Variants in MED13L observed in about 807,000 individuals in gnomAD.
The protein encoded by MED13L is mediator complex subunit 13L.
A neutral mutation model predicts 220.9 loss-of-function variants in MED13L; 7 were observed. That is an observed-to-expected ratio of 0.03 (90% confidence interval 0.02 to 0.06). MED13L has a LOEUF of 0.06. Among genes scored for constraint, MED13L ranks in the 10% least tolerant of loss-of-function variants. The pLI is 1.00. For missense variants in MED13L, 1,965 were observed against 2,760.5 expected (o/e 0.71, Z 6.46); for synonymous variants, 1,011 against 1,015.2 (o/e 1.00, Z 0.08).
intron 2 of MED13L, among the ~76,000 whole-genome samples, chr12:116,184,539 G>A (rs1260370048): frequency 1.3e-5 from 2 of 152,060 alleles, no homozygotes; most frequent in African/African-American, 4.8e-5. Context: ...CATAGCTTAA[G>A]AAAAAATTTT....
At chr12:115,965,116 C>T (rs1876053046) in intron 29 of MED13L, among the ~76,000 whole-genome samples, 3 of 152,146 alleles carry the variant, frequency 2.0e-5, no homozygotes, top group South Asian at 2.1e-4. Flanking sequence ...TAATTTCCAT[C>T]GTTTCTTTCT....
chr12:116,029,755 T>C (rs74349961), intron 4 of MED13L, among the ~76,000 whole-genome samples: 22,436 of 151,930 alleles, frequency 0.15, 1,854 homozygotes, highest in Middle Eastern at 0.21. Context: ...CAGAAAAAAT[T>C]TGAATAAGAA....
In MED13L at chr12:116,012,800, G is replaced by C; in HGVS notation, c.1277C>G (p.Ser426Cys). 2 of 1,609,980 alleles carry C rather than the reference G, an allele frequency of 1.2e-6. No homozygotes were observed. Among genetic ancestry groups the C allele is most frequent in the African/African-American group, 1.3e-5 (1 of 74,918 alleles). ...DPTQRVSCSC[S>C]RHKLLKRCAV... ...TTTTGCCTTTTTTATTACCTACCTG[G>C]AACAAGAACAGCTGACTCTTTGGGT... is the stretch of plus-strand genomic sequence containing the variant. The change falls in exon 9 of 31, where the codon TCC (serine) becomes TGC (cysteine). Residue 426 changes from serine (S) to cysteine (C), a missense_variant. Coordinates refer to ENST00000281928, the MANE Select transcript of MED13L (RefSeq NM_015335.5).
intron 2 of MED13L, among the ~76,000 whole-genome samples, chr12:116,229,966 T>A (rs1265494811): frequency 1.3e-5 from 2 of 152,130 alleles, no homozygotes; most frequent in Non-Finnish European, 1.5e-5. Flanking sequence ...ATAATTCAGA[T>A]CCAAGAAAAA....
chr12:116,113,471 T>C (rs1433458197), intron 2 of MED13L, among the ~76,000 whole-genome samples: 1 of 137,970 alleles, frequency 7.2e-6, no homozygotes, highest in Non-Finnish European at 1.6e-5. Flanking sequence ...TCCCCATCTC[T>C]ACAAAAAAAA....
At chr12:115,972,257 C>A in intron 25 of MED13L, 21 bp from the exon 26 acceptor site, 2 of 1,610,726 alleles carry the variant, frequency 1.2e-6, no homozygotes, top group South Asian at 2.2e-5. Flanking sequence ...ATATCGCAGT[C>A]ATACACAGTC....
At chr12:116,110,679 T>C (rs1033516050) in intron 3 of MED13L, among the ~76,000 whole-genome samples, 11 of 152,168 alleles carry the variant, frequency 7.2e-5, no homozygotes, top group African/African-American at 2.4e-5. Flanking sequence ...GCGGAGAAAC[T>C]TGACAGAACA....
At position 115,996,501 on chromosome 12, in the gene MED13L, C is replaced by T; in HGVS notation, c.2971G>A (p.Ala991Thr). ...TTGTAGCCATCTCTAATGAAAGTGG[C>T]TGCAGGGGGCATGGGCAGTTGTTCA... ...KIEQLPMPPAATFIRDGYNNV... is the reference protein window; with the variant it reads ...KIEQLPMPPATTFIRDGYNNV... The change falls in exon 16 of 31, where the codon GCC (alanine) becomes ACC (threonine). Residue 991 changes from alanine (A) to threonine (T), a missense_variant. Ala to Thr is a moderately conservative substitution (Grantham distance 58). Around this residue, in one of 10 missense-constraint regions of MED13L, gnomAD observed 233 missense variants for 306.2 expected, o/e 0.76. Coordinates refer to ENST00000281928, the MANE Select transcript of MED13L (RefSeq NM_015335.5). 3 of 1,614,150 alleles carry T rather than the reference C, an allele frequency of 1.9e-6. No individual in the cohort carries two copies. In the South Asian group the frequency reaches 3.3e-5, roughly 18 times the overall value.
chr12:116,207,235 G>A (rs80330655), intron 2 of MED13L, among the ~76,000 whole-genome samples: 28 of 151,682 alleles, frequency 1.8e-4, no homozygotes, highest in East Asian at 1.4e-3. Context: ...TCATGGGCTC[G>A]AAAGATTCTC....
intron 1 of MED13L, among the ~76,000 whole-genome samples, chr12:116,265,213 T>C (rs1433525099): frequency 6.6e-6 from 1 of 152,236 alleles, no homozygotes; most frequent in Non-Finnish European, 1.5e-5. Context: ...ATTTCATTTC[T>C]TTACCTTTAA....
intron 7 of MED13L, 53 bp downstream of exon 7, chr12:116,019,171 T>C: frequency 6.4e-7 from 1 of 1,555,656 alleles, no homozygotes; most frequent in East Asian, 2.3e-5. Flanking sequence ...GCAGGTAGAC[T>C]ATACAATTGT....
intron 2 of MED13L, among the ~76,000 whole-genome samples, chr12:116,131,173 T>C (rs1027428169): frequency 3.9e-5 from 6 of 152,194 alleles, no homozygotes; most frequent in African/African-American, 1.2e-4. Context: ...AAGAAGACAG[T>C]CTAAAGTTCC....
At chr12:115,997,796 CA>C (rs1878501123) in intron 14 of MED13L, among the ~76,000 whole-genome samples, 1 of 152,202 alleles carries the variant, frequency 6.6e-6, no homozygotes, top group Non-Finnish European at 1.5e-5. Context: ...ACAAAGTCTA[CA>C]TAACTTGTAT....
intron 2 of MED13L, among the ~76,000 whole-genome samples, chr12:116,232,630 A>AT (rs1869673518): frequency 6.6e-6 from 1 of 152,250 alleles, no homozygotes; most frequent in African/African-American, 2.4e-5. Flanking sequence ...TACTAGGCTG[A>AT]ATCTGATACT....
rs562178176 is a variant in MED13L, at chr12:116,050,006, T to C, written c.480-27405A>G. 1.0e-3 allele frequency among the ~76,000 whole-genome samples: 154 copies of C among 152,286 alleles called. 1 individual carries two copies. The highest frequency in any genetic ancestry group is 1.8e-3 in the African/African-American group (75 of 41,586). On this transcript the variant is annotated intron_variant, in intron 4 of 30. Transcript: ENST00000281928. ...TTCCTTTGAATGTAGTCAAAATAAA[T>C]GGAAAGTTCTTGGAAGGATCAAATA...
At chr12:116,085,976 G>T (rs1025352145) in intron 4 of MED13L, among the ~76,000 whole-genome samples, 5 of 152,180 alleles carry the variant, frequency 3.3e-5, no homozygotes, top group Admixed American at 6.5e-5. Flanking sequence ...TTTAGACTAT[G>T]CTAGAACTGT....
At chr12:115,973,431 C>T (rs540483558) in intron 25 of MED13L, among the ~76,000 whole-genome samples, 2 of 152,304 alleles carry the variant, frequency 1.3e-5, no homozygotes, top group South Asian at 2.1e-4. Context: ...CCTGAACATA[C>T]ATTTTCTTTC....
At chr12:116,165,887 T>G (rs1222461045) in intron 2 of MED13L, among the ~76,000 whole-genome samples, 1 of 152,188 alleles carries the variant, frequency 6.6e-6, no homozygotes, top group African/African-American at 2.4e-5. Context: ...CCTCATCTGA[T>G]CACATGCTCT....
intron 2 of MED13L, among the ~76,000 whole-genome samples, chr12:116,116,774 T>G (rs185170970): frequency 6.6e-6 from 1 of 151,878 alleles, no homozygotes; most frequent in East Asian, 2.0e-4. Context: ...TGGTGTCCCC[T>G]GCAAAACTGA....
Sources: allele counts gnomAD v4.1 joint callset (sites outside exome capture counted in the v4.1 genomes callset), GRCh38; gene constraint gnomAD v4.1.1; regional missense constraint gnomAD v4.1.1; transcripts MANE v1.5; gene names NCBI Gene and HGNC (gene_info 2026-07-23, HGNC 2026-07-21).